ADARB1: variants seen among roughly 807,000 people sequenced by gnomAD.
ADARB1 encodes adenosine deaminase RNA specific B1, also known as double-stranded RNA-specific editase 1.
A neutral mutation model predicts 52.4 loss-of-function variants in ADARB1; 10 were observed. The ratio of observed to expected loss-of-function variants is 0.19; its 90% CI spans 0.12 to 0.32. ADARB1 has a LOEUF of 0.32. ADARB1 is among the 10% of genes least tolerant of loss of function. ADARB1 has a pLI of 1.00. For missense variants in ADARB1, 643 were observed against 922.3 expected, an observed-to-expected ratio of 0.70 and a Z score of 3.92; for synonymous variants, 349 against 371.1, an observed-to-expected ratio of 0.94 and a Z score of 0.68.
At chr21:45,177,944 A>T (rs2091768764) in intron 4 of ADARB1, among the ~76,000 whole-genome samples, 1 of 152,138 alleles carries the variant, frequency 6.6e-6, no homozygotes, top group Admixed American at 6.5e-5. Context: ...GTTTATAAGG[A>T]TTATTAGTCC....
chr21:45,093,359 G>A (rs181056144), intron 1 of ADARB1, among the ~76,000 whole-genome samples: 13 of 152,322 alleles, frequency 8.5e-5, no homozygotes, highest in African/African-American at 3.1e-4. Flanking sequence ...AGGGCACACC[G>A]GGCTTGGCTC....
At chr21:45,125,051 C>T (rs2088489298) in intron 1 of ADARB1, among the ~76,000 whole-genome samples, 1 of 152,166 alleles carries the variant, frequency 6.6e-6, no homozygotes, top group Non-Finnish European at 1.5e-5. Context: ...CCTGCCTCAG[C>T]CTCCCAGAGT....
At chr21:45,207,425 G>A (rs923260789) in intron 9 of ADARB1, among the ~76,000 whole-genome samples, 2 of 152,148 alleles carry the variant, frequency 1.3e-5, no homozygotes, top group Non-Finnish European at 2.9e-5. Flanking sequence ...GAGGGCAGAG[G>A]CTTCTGCTTC....
At chr21:45,078,720 G>A (rs773178090) in intron 1 of ADARB1, among the ~76,000 whole-genome samples, 2 of 152,204 alleles carry the variant, frequency 1.3e-5, no homozygotes, top group Non-Finnish European at 2.9e-5. Context: ...AAGGAATTTA[G>A]ATTTTAAGTT....
rs1056325579 is a variant in ADARB1 at position 45,174,470 on chromosome 21, A to G, written c.29-1260A>G. On this transcript the variant is annotated intron_variant, in intron 3 of 10. Transcript: ENST00000348831. ...GTAATCCCAGCACTTTGGGAGGCCA[A>G]GGCAGGCGGATCACCTGAGGTCAGG... Among the ~76,000 whole-genome samples the G allele has an allele frequency of 2.6e-5, 4 of 152,314 alleles. No homozygotes were observed. The South Asian group carries it at 6.2e-4, about 24-fold the overall frequency.
chr21:45,113,749 T>C (rs1021915667), intron 1 of ADARB1, among the ~76,000 whole-genome samples: 5 of 151,972 alleles, frequency 3.3e-5, no homozygotes, highest in African/African-American at 1.2e-4. Context: ...TTGGTCGGTG[T>C]TTCGGGAGCC....
intron 8 of ADARB1, among the ~76,000 whole-genome samples, chr21:45,186,707 T>G (rs2092118910): frequency 6.6e-6 from 1 of 152,248 alleles, no homozygotes; most frequent in East Asian, 1.9e-4. Flanking sequence ...TTGAATCTCA[T>G]GCCTTTTTCC....
intron 9 of ADARB1, among the ~76,000 whole-genome samples, chr21:45,209,358 C>A (rs1049866508): frequency 3.9e-5 from 6 of 152,192 alleles, no homozygotes; most frequent in African/African-American, 1.4e-4. Flanking sequence ...GTGCTCCTGC[C>A]CTTAACTCCA....
At chr21:45,136,605 TGTG>T (rs1173824009) in intron 2 of ADARB1, among the ~76,000 whole-genome samples, 2 of 152,162 alleles carry the variant, frequency 1.3e-5, no homozygotes, top group East Asian at 3.8e-4. Flanking sequence ...TGGGGACAAA[TGTG>T]GGGACAGACC....
At chr21:45,175,683 G>C (rs375447640) in intron 3 of ADARB1, 47 bp from the exon 4 acceptor site, 1 of 1,588,070 alleles carries the variant, frequency 6.3e-7, no homozygotes, top group African/African-American at 1.4e-5. Flanking sequence ...GCATTTACAA[G>C]ATCCTGCAAC....
At position 45,163,140 on chromosome 21, in the gene ADARB1, T is replaced by C. The variant is rs774314376; in HGVS notation, c.-47-8470T>C. Among the ~76,000 whole-genome samples the C allele has an allele frequency of 7.2e-4, 110 of 152,368 alleles. No homozygotes were observed. In the Middle Eastern group the frequency reaches 0.014, roughly 19 times the overall value. On this transcript the variant is annotated intron_variant, in intron 2 of 10. Transcript: ENST00000348831. The stretch of plus-strand genomic sequence containing the variant: ...TGGGAAAACAGTTGTTAATGAGGAT[T>C]GTACTAAGTAGATCCCTTTCACATC...
intron 1 of ADARB1, among the ~76,000 whole-genome samples, chr21:45,115,205 T>A (rs2087763208): frequency 6.6e-6 from 1 of 152,184 alleles, no homozygotes; most frequent in Non-Finnish European, 1.5e-5. Flanking sequence ...TTTGACCTCA[T>A]TGGTTGGTGG....
chr21:45,088,746 A>G (rs899665646), intron 1 of ADARB1, among the ~76,000 whole-genome samples: 5 of 152,214 alleles, frequency 3.3e-5, no homozygotes, highest in African/African-American at 4.8e-5. Context: ...GTAACTTTAG[A>G]ATGGAGGAAG....
At chr21:45,078,054 A>T (rs76249617) in intron 1 of ADARB1, among the ~76,000 whole-genome samples, 11,948 of 146,974 alleles carry the variant, frequency 0.081, 528 homozygotes, top group East Asian at 0.16. Context: ...AATTATCACA[A>T]TTTTTTTTTT....
chr21:45,112,738 T>A (rs947470282), intron 1 of ADARB1, among the ~76,000 whole-genome samples: 1 of 152,148 alleles, frequency 6.6e-6, no homozygotes, highest in African/African-American at 2.4e-5. Flanking sequence ...GATTTACTGC[T>A]TGAACAGGGA....
intron 2 of ADARB1, among the ~76,000 whole-genome samples, chr21:45,148,648 C>G (rs1234301714): frequency 6.6e-6 from 1 of 152,202 alleles, no homozygotes; most frequent in Non-Finnish European, 1.5e-5. Context: ...GTGCTGAGTT[C>G]TGCAGCAGTC....
rs570193514 is a variant in ADARB1, at chr21:45,197,286, G to C, written c.1566-7269G>C. On this transcript the variant is annotated intron_variant, in intron 8 of 10. Transcript: ENST00000348831. ...GGAGGCCGAGGCGGGTGGATCACAA[G>C]GTCAGGAGTTCAAAACCAGCCTGGC... Among the ~76,000 whole-genome samples, 3 of 152,282 alleles carry C rather than the reference G, an allele frequency of 2.0e-5. No homozygotes were observed. In the East Asian group the frequency reaches 5.8e-4, roughly 29 times the overall value.
At chr21:45,179,630 C>T (rs1407899705) in intron 4 of ADARB1, among the ~76,000 whole-genome samples, 3 of 152,160 alleles carry the variant, frequency 2.0e-5, no homozygotes, top group East Asian at 3.9e-4. Flanking sequence ...GCAGGTGTTC[C>T]GAACGTCTAA....
chr21:45,089,705 C>G (rs1261322950), intron 1 of ADARB1, among the ~76,000 whole-genome samples: 1 of 152,150 alleles, frequency 6.6e-6, no homozygotes, highest in Non-Finnish European at 1.5e-5. Flanking sequence ...ATTGAGTAGT[C>G]TGCCCTTTGC....
Sources: allele counts gnomAD v4.1 joint callset (sites outside exome capture counted in the v4.1 genomes callset), GRCh38; gene constraint gnomAD v4.1.1; transcripts MANE v1.5; gene names NCBI Gene and HGNC (gene_info 2026-07-23, HGNC 2026-07-21).